The following ZNF521 variants were observed in gnomAD, a reference collection of about 807,000 sequenced individuals.
ZNF521 encodes LYST-interacting protein 3.
A neutral mutation model predicts 105.5 loss-of-function variants in ZNF521; 14 were observed. The ratio of observed to expected loss-of-function variants is 0.13; its 90% CI spans 0.09 to 0.21. The LOEUF is 0.21. Ranked by LOEUF, ZNF521 falls within the 10% of genes least tolerant of loss-of-function variation. The pLI is 1.00. For missense variants in ZNF521, 1,233 were observed against 1,629.7 expected, an observed-to-expected ratio of 0.76 and a Z score of 4.19; for synonymous variants, 635 against 606.0, an observed-to-expected ratio of 1.05 and a Z score of -0.70.
intron 5 of ZNF521, among the ~76,000 whole-genome samples, chr18:25,174,385 G>A (rs2035499534): frequency 6.6e-6 from 1 of 152,076 alleles, no homozygotes; most frequent in Non-Finnish European, 1.5e-5. Context: ...TCAAAAAATC[G>A]TTACACATTA....
intron 5 of ZNF521, among the ~76,000 whole-genome samples, chr18:25,188,442 A>G (rs2035763377): frequency 6.6e-6 from 1 of 152,178 alleles, no homozygotes; most frequent in East Asian, 1.9e-4. Flanking sequence ...ATGTGTGTGA[A>G]CGGATTCTGT....
intron 5 of ZNF521, among the ~76,000 whole-genome samples, chr18:25,096,967 C>T (rs967431253): frequency 6.6e-6 from 1 of 152,112 alleles, no homozygotes; most frequent in East Asian, 1.9e-4. Flanking sequence ...TGTGTGTTAC[C>T]ACTGTATCCT....
intron 7 of ZNF521, among the ~76,000 whole-genome samples, chr18:25,068,925 G>C (rs1289259855): frequency 6.6e-6 from 1 of 152,164 alleles, no homozygotes; most frequent in Non-Finnish European, 1.5e-5. Flanking sequence ...ACAGCTATTA[G>C]AGTACAAAAT....
intron 3 of ZNF521, among the ~76,000 whole-genome samples, chr18:25,239,537 C>G (rs913065242): frequency 1.3e-5 from 2 of 152,204 alleles, no homozygotes; most frequent in Admixed American, 1.3e-4. Flanking sequence ...AACTACAAAG[C>G]AAATGAATAT....
At chr18:25,180,879 A>G (rs1241119281) in intron 5 of ZNF521, among the ~76,000 whole-genome samples, 1 of 152,218 alleles carries the variant, frequency 6.6e-6, no homozygotes, top group Non-Finnish European at 1.5e-5. Context: ...CAGCAGCAGC[A>G]TAAATTACTT....
chr18:25,293,267 C>T (rs1911137086), intron 3 of ZNF521, among the ~76,000 whole-genome samples: 1 of 151,972 alleles, frequency 6.6e-6, no homozygotes, highest in Non-Finnish European at 1.5e-5. Flanking sequence ...TATTAGCAAA[C>T]ACTCCTCTAC....
intron 5 of ZNF521, among the ~76,000 whole-genome samples, chr18:25,155,577 T>C (rs930080386): frequency 4.6e-5 from 7 of 152,152 alleles, no homozygotes; most frequent in African/African-American, 1.7e-4. Context: ...CTTTTATCCA[T>C]TTTGAGTTTA....
intron 4 of ZNF521, among the ~76,000 whole-genome samples, chr18:25,207,579 C>T (rs565278803): frequency 6.6e-6 from 1 of 152,340 alleles, no homozygotes; most frequent in East Asian, 1.9e-4. Context: ...TTCTCTTAAG[C>T]TCTCACACCC....
chr18:25,346,256 G>A, intron 2 of ZNF521, among the ~76,000 whole-genome samples: 1 of 150,730 alleles, frequency 6.6e-6, no homozygotes, highest in Non-Finnish European at 1.5e-5. Context: ...TCTAAGAAAT[G>A]AAACATATGA....
chr18:25,118,253 G>T (rs914662892), intron 5 of ZNF521, among the ~76,000 whole-genome samples: 1 of 151,940 alleles, frequency 6.6e-6, no homozygotes, highest in Non-Finnish European at 1.5e-5. Flanking sequence ...AAAACTAAGA[G>T]AATTTATCTT....
chr18:25,283,928 C>G (rs916396296), intron 3 of ZNF521, among the ~76,000 whole-genome samples: 2 of 141,596 alleles, frequency 1.4e-5, no homozygotes, highest in Non-Finnish European at 3.1e-5. Flanking sequence ...ACTTTCCCCC[C>G]CCCCCAAAAA....
chr18:25,121,109 G>A (rs1221609057), intron 5 of ZNF521, among the ~76,000 whole-genome samples: 2 of 56,544 alleles, frequency 3.5e-5, no homozygotes, highest in South Asian at 1.0e-3. Flanking sequence ...GGAAGAAGGA[G>A]TATTTTTTTT....
intron 5 of ZNF521, among the ~76,000 whole-genome samples, chr18:25,167,830 T>G (rs536714991): frequency 1.2e-4 from 18 of 152,330 alleles, no homozygotes; most frequent in African/African-American, 4.3e-4. Context: ...ATTGCAGTGC[T>G]GTTCCGCTCC....
chr18:25,346,232 G>T (rs183124068), intron 2 of ZNF521, among the ~76,000 whole-genome samples: 10 of 151,600 alleles, frequency 6.6e-5, no homozygotes, highest in African/African-American at 2.4e-4. Flanking sequence ...CTTTACTGAT[G>T]AGGTTTTTTT....
intron 5 of ZNF521, among the ~76,000 whole-genome samples, chr18:25,093,004 T>G (rs2033779106): frequency 6.6e-6 from 1 of 152,238 alleles, no homozygotes; most frequent in South Asian, 2.1e-4. Flanking sequence ...GCAGCCTAGC[T>G]GACACTGATT....
chr18:25,306,413 A>T (rs2145090373), intron 3 of ZNF521, among the ~76,000 whole-genome samples: 1 of 152,294 alleles, frequency 6.6e-6, no homozygotes, highest in Admixed American at 6.5e-5. Flanking sequence ...GGTGGGCATA[A>T]CCAGTAATTC....
At chr18:25,110,989 C>T (rs2034177626) in intron 5 of ZNF521, among the ~76,000 whole-genome samples, 1 of 152,078 alleles carries the variant, frequency 6.6e-6, no homozygotes, top group Admixed American at 6.5e-5. Flanking sequence ...TCTCGAACTC[C>T]TGGCCTTAAG....
chr18:25,108,037 T>C (rs917669299), intron 5 of ZNF521, among the ~76,000 whole-genome samples: 1 of 152,238 alleles, frequency 6.6e-6, no homozygotes, highest in Admixed American at 6.5e-5. Context: ...CTCTTAGAGC[T>C]AGAATTTAGA....
At chr18:25,238,785 A>G (rs779971708) in intron 3 of ZNF521, among the ~76,000 whole-genome samples, 15 of 152,178 alleles carry the variant, frequency 9.9e-5, no homozygotes, top group Admixed American at 3.3e-4. Context: ...TCCACCAATC[A>G]CTAGCAGACC....
Sources: gnomAD v4.1 joint callset for allele counts (sites outside exome capture counted in the v4.1 genomes callset) on GRCh38, gnomAD v4.1.1 for gene constraint, MANE v1.5 for transcripts, NCBI Gene and HGNC (gene_info 2026-07-23, HGNC 2026-07-21) for gene names.